Variants in LRP1B observed in about 807,000 individuals in gnomAD.
The protein encoded by LRP1B is LDL receptor related protein 1B.
LRP1B carries 217 observed loss-of-function variants against 556.6 expected under a neutral mutation model. The observed-to-expected ratio is 0.39, with a 90% CI of 0.35 to 0.44. The LOEUF (loss-of-function observed/expected upper bound fraction) is 0.44, where lower values mean the gene tolerates loss of function less well. Ranked by LOEUF, LRP1B falls within the 20% of genes least tolerant of loss-of-function variation. LRP1B has a pLI of 1.00. For synonymous variants in LRP1B, 2,047 were observed against 1,865.8 expected (o/e 1.10, Z -2.50); for missense variants, 5,053 against 5,620.8 (o/e 0.90, Z 3.23).
At chr2:141,515,564 C>G (rs548522876) in intron 2 of LRP1B, among the ~76,000 whole-genome samples, 68 of 8,176 alleles carry the variant, frequency 8.3e-3, no homozygotes, top group African/African-American at 8.8e-3. Flanking sequence ...ATTTATTTGC[C>G]AATAAGAAAA....
In LRP1B at chr2:141,542,236, C is replaced by T. The variant is rs563939959; in HGVS notation, c.206-61703G>A. Reference sequence around the variant, plus strand: ...TATCTTTATATGTATAATAAATATACTAATACCAGCTTTCTAACTTTATTT... The same window carrying T: ...TATCTTTATATGTATAATAAATATATTAATACCAGCTTTCTAACTTTATTT... On this transcript the variant is annotated intron_variant, in intron 2 of 90. Transcript: ENST00000389484. Among the ~76,000 whole-genome samples, 26 of 151,960 alleles carry T rather than the reference C, an allele frequency of 1.7e-4. No individual in the cohort carries two copies. The South Asian group carries it at 5.4e-3, about 32-fold the overall frequency.
intron 3 of LRP1B, among the ~76,000 whole-genome samples, chr2:141,298,321 T>G (rs755422796): frequency 1.3e-5 from 2 of 152,190 alleles, no homozygotes; most frequent in African/African-American, 4.8e-5. Context: ...AATGTCTATT[T>G]AAGGCAGGGG....
intron 59 of LRP1B, among the ~76,000 whole-genome samples, chr2:140,475,837 TAAATG>T (rs996503020): frequency 2.6e-5 from 4 of 151,850 alleles, no homozygotes; most frequent in African/African-American, 9.7e-5. Flanking sequence ...AAAATAAAAT[TAAATG>T]AAATGAACTG....
intron 41 of LRP1B, among the ~76,000 whole-genome samples, chr2:140,620,049 T>A (rs755729066): frequency 3.9e-5 from 6 of 152,194 alleles, no homozygotes; most frequent in Non-Finnish European, 8.8e-5. Context: ...TGTCTTTTCC[T>A]CTTTCTTCCA....
At chr2:140,836,027 C>T (rs1573783393) in intron 31 of LRP1B, among the ~76,000 whole-genome samples, 1 of 152,166 alleles carries the variant, frequency 6.6e-6, no homozygotes, top group African/African-American at 2.4e-5. Context: ...GACACACACA[C>T]ATCTGTATGT....
chr2:141,198,600 G>GTGACT (rs1681852183), intron 6 of LRP1B, among the ~76,000 whole-genome samples: 1 of 151,872 alleles, frequency 6.6e-6, no homozygotes, highest in Non-Finnish European at 1.5e-5. Flanking sequence ...TTTTTGTTTG[G>GTGACT]GGGAGGAGGC....
At chr2:141,120,871 T>C (rs971022114) in intron 7 of LRP1B, among the ~76,000 whole-genome samples, 5 of 152,034 alleles carry the variant, frequency 3.3e-5, no homozygotes, top group African/African-American at 1.2e-4. Context: ...TTAAGTAAGA[T>C]GCTTCTCAAT....
chr2:140,590,342 T>G (rs1682167670), intron 43 of LRP1B, among the ~76,000 whole-genome samples: 1 of 99,256 alleles, frequency 1.0e-5, no homozygotes, highest in Admixed American at 1.2e-4. Context: ...AATGTGTGTG[T>G]GTATATATAT....
At chr2:141,049,517 C>G (rs556489893) in intron 10 of LRP1B, among the ~76,000 whole-genome samples, 1 of 151,884 alleles carries the variant, frequency 6.6e-6, no homozygotes, top group East Asian at 1.9e-4. Flanking sequence ...CTTGTAAAAC[C>G]GGCATTTATT....
rs1009469682 is a variant in LRP1B, at chr2:140,297,732, T to G, written c.12967+76A>C. The G allele has an allele frequency of 4.2e-6, 6 of 1,443,396 alleles. No individual in the cohort carries two copies. The African/African-American group carries it at 4.3e-5, about 10-fold the overall frequency. 89.4% of individuals were successfully genotyped at this position (1,443,396 alleles called of 1,614,324 possible). A position where few individuals can be genotyped will look rare whatever the true frequency, so the allele number is the denominator to read the frequency against. On this transcript the variant is annotated intron_variant, in intron 84 of 90. Coordinates refer to ENST00000389484, the MANE Select transcript of LRP1B (RefSeq NM_018557.3). ...TAGAGGATGGCTAAAATTAAGATAA[T>G]GGAAGGAGTGGATACAGGAAATCAG...
chr2:140,676,821 G>GA (rs1432347604), intron 41 of LRP1B, among the ~76,000 whole-genome samples: 3 of 151,928 alleles, frequency 2.0e-5, no homozygotes, highest in Admixed American at 6.6e-5. Context: ...AAGTTCACAG[G>GA]AAAAAAATAA....
chr2:141,161,264 T>C (rs1680021495), intron 7 of LRP1B, among the ~76,000 whole-genome samples: 1 of 152,280 alleles, frequency 6.6e-6, no homozygotes, highest in Middle Eastern at 3.4e-3. Flanking sequence ...GCTCATAGTA[T>C]ACAGAAGGCT....
intron 75 of LRP1B, 94 bp downstream of exon 75, chr2:140,356,248 A>G (rs1682208754): frequency 3.1e-6 from 4 of 1,273,418 alleles, no homozygotes; most frequent in Non-Finnish European, 4.5e-6. Flanking sequence ...CATTTTGATG[A>G]AAGTCAATCC....
chr2:141,947,770 A>G (rs1247969847), intron 1 of LRP1B, among the ~76,000 whole-genome samples: 1 of 151,726 alleles, frequency 6.6e-6, no homozygotes, highest in Non-Finnish European at 1.5e-5. Context: ...ACTTATCTCT[A>G]AAATTCTAAA....
At chr2:141,393,344 T>G (rs557387497) in intron 3 of LRP1B, among the ~76,000 whole-genome samples, 1 of 152,236 alleles carries the variant, frequency 6.6e-6, no homozygotes, top group Admixed American at 6.5e-5. Context: ...GGAAAGTATG[T>G]CAACCCTACC....
chr2:141,646,459 G>A (rs1039326183), intron 2 of LRP1B, among the ~76,000 whole-genome samples: 3 of 152,136 alleles, frequency 2.0e-5, no homozygotes, highest in African/African-American at 7.2e-5. Context: ...ACACAGTGCT[G>A]TGCTATGTGA....
In LRP1B at chr2:140,286,310, G is replaced by A. The variant is rs555476336; in HGVS notation, c.12967+11498C>T. ...TCGTCCTATTCTGAAACTAACCGAAGTTTGCCAGCATGGGTTTGTGTTCAG... is the reference window on the plus strand; with the variant it reads ...TCGTCCTATTCTGAAACTAACCGAAATTTGCCAGCATGGGTTTGTGTTCAG... On this transcript the variant is annotated intron_variant, in intron 84 of 90. Coordinates refer to ENST00000389484, the MANE Select transcript of LRP1B (RefSeq NM_018557.3). 4.0e-5 allele frequency among the ~76,000 whole-genome samples: 6 copies of A among 151,874 alleles called. No homozygotes were observed. In the South Asian group the frequency reaches 8.3e-4, roughly 21 times the overall value.
At chr2:141,602,935 A>T (rs1032935442) in intron 2 of LRP1B, among the ~76,000 whole-genome samples, 11 of 152,214 alleles carry the variant, frequency 7.2e-5, no homozygotes, top group African/African-American at 2.7e-4. Flanking sequence ...TGTATGTAAC[A>T]AGTATTGAAT....
intron 1 of LRP1B, among the ~76,000 whole-genome samples, chr2:141,897,531 G>C (rs1699490108): frequency 6.6e-6 from 1 of 152,088 alleles, no homozygotes; most frequent in Non-Finnish European, 1.5e-5. Flanking sequence ...AACCTAAGGA[G>C]TTCCACTCCC....
Sources: allele counts gnomAD v4.1 joint callset (sites outside exome capture counted in the v4.1 genomes callset), GRCh38; gene constraint gnomAD v4.1.1; transcripts MANE v1.5; gene names NCBI Gene and HGNC (gene_info 2026-07-23, HGNC 2026-07-21).